TNIP1: variants seen among roughly 807,000 people sequenced by gnomAD.
TNIP1 encodes the protein TNFAIP3-interacting protein 1.
A neutral mutation model predicts 86.6 loss-of-function variants in TNIP1; 22 were observed. That is an observed-to-expected ratio of 0.25 (90% CI 0.18 to 0.36). The LOEUF is 0.36. Among genes scored for constraint, TNIP1 ranks in the 10% least tolerant of loss-of-function variants. TNIP1 has a pLI of 1.00. For missense variants in TNIP1, 709 were observed against 820.6 expected (o/e 0.86, Z 1.66); for synonymous variants, 294 against 313.0 (o/e 0.94, Z 0.64).
chr5:151,074,658 C>T (rs1362347535), intron 1 of TNIP1, among the ~76,000 whole-genome samples: 1 of 152,174 alleles, frequency 6.6e-6, no homozygotes, highest in Non-Finnish European at 1.5e-5. Context: ...CCAAAGATGC[C>T]TTGTGTTAAC....
chr5:151,061,769 C>T (rs1248394157), intron 4 of TNIP1, among the ~76,000 whole-genome samples: 2 of 152,214 alleles, frequency 1.3e-5, no homozygotes, highest in African/African-American at 2.4e-5. Context: ...TGAGCCACTG[C>T]GCCCAGCCTG....
intron 1 of TNIP1, among the ~76,000 whole-genome samples, chr5:151,072,241 C>T (rs1762899334): frequency 6.6e-6 from 1 of 152,222 alleles, no homozygotes; most frequent in Non-Finnish European, 1.5e-5. Flanking sequence ...ACCAGACCTA[C>T]TTTCCAGTTC....
rs745511990 is a variant in TNIP1 at position 151,033,621 on chromosome 5, CG to C, written c.1765del (p.Arg589AlafsTer26). ...ACACAGACTCACCAGATGGAAGAGG[CG>C]CGAGTTGGGGAGTGGGGGCGGGTGC... The part of the protein sequence containing the change: ...MEHPPPLPNS[R>X]LFHLPEYTWR... On this transcript the variant is annotated frameshift_variant, in exon 16 of 18. Transcript: ENST00000521591. LOFTEE classifies it high-confidence loss of function. The C allele has an allele frequency of 4.7e-6, 6 of 1,279,948 alleles. No homozygotes were observed. Among genetic ancestry groups the C allele is most frequent in the Non-Finnish European group, 6.1e-6 (6 of 988,882 alleles). The allele number at this position is 1,279,948 out of a possible 1,614,324, so 79.3% of individuals were successfully genotyped here.
chr5:151,071,175 CAT>C lies in TNIP1; in HGVS notation c.-36-6046_-36-6045del, dbSNP rs760291673. ...TCTCCTGATGGCTGTCAGGTTCACA[CAT>C]GAGTGAGGACACAGCACATACTTGA... On this transcript the variant is annotated intron_variant, in intron 1 of 17. Transcript: ENST00000521591. Among the ~76,000 whole-genome samples, 7 of 152,286 alleles carry C rather than the reference CAT, an allele frequency of 4.6e-5. No individual in the cohort carries two copies. In the South Asian group the frequency reaches 1.0e-3, roughly 23 times the overall value.
At chr5:151,058,109 C>T (rs1289475055) in intron 5 of TNIP1, among the ~76,000 whole-genome samples, 6 of 152,170 alleles carry the variant, frequency 3.9e-5, no homozygotes, top group East Asian at 3.9e-4. Context: ...TTAGTTGAGA[C>T]GGGGTTTCAC....
chr5:151,038,482 T>C (rs575313990), intron 12 of TNIP1, among the ~76,000 whole-genome samples: 159 of 152,292 alleles, frequency 1.0e-3, no homozygotes, highest in African/African-American at 3.7e-3. Context: ...AAGCTGGGAC[T>C]AGACCACTCC....
At chr5:151,076,286 C>G (rs1386407860) in intron 1 of TNIP1, among the ~76,000 whole-genome samples, 2 of 152,214 alleles carry the variant, frequency 1.3e-5, no homozygotes, top group Non-Finnish European at 2.9e-5. Flanking sequence ...CTGGAGGATG[C>G]CTGGATACCC....
Position 151,070,441 on chromosome 5 carries a change from G to A in TNIP1, c.-36-5310C>T, listed in dbSNP as rs1020752989. ...CTTTAATGGGATTTTAGGCTCTTCC[G>A]TCAGCTCAGTAAGCTAGGTTCTGGC... On this transcript the variant is annotated intron_variant, in intron 1 of 17. Coordinates refer to ENST00000521591, the MANE Select transcript of TNIP1 (RefSeq NM_006058.5). Among the ~76,000 whole-genome samples, 4 of 152,256 alleles carry A rather than the reference G, an allele frequency of 2.6e-5. No individual in the cohort carries two copies. The South Asian group carries it at 6.2e-4, about 24-fold the overall frequency.
At chr5:151,054,051 C>A (rs551392876) in intron 6 of TNIP1, among the ~76,000 whole-genome samples, 24 of 152,322 alleles carry the variant, frequency 1.6e-4, no homozygotes, top group African/African-American at 5.5e-4. Context: ...TTCTGGCCAA[C>A]AAAAGAGGTG....
Position 151,065,054 on chromosome 5 carries a change from G to GCC in TNIP1, c.40_41dup (p.Ser15AlafsTer15). On this transcript the variant is annotated frameshift_variant, in exon 2 of 18. Coordinates refer to ENST00000521591, the MANE Select transcript of TNIP1 (RefSeq NM_006058.5). LOFTEE classifies it high-confidence loss of function. ...CGGATGCCTCTCCTGAGGGCACGCT[G>GCC]CCCCCAGGGTCGTAGATCCGGTACG... 1 of 1,614,136 alleles carries GCC rather than the reference G, an allele frequency of 6.2e-7. No individual in the cohort carries two copies. Among genetic ancestry groups the GCC allele is most frequent in the South Asian group, 1.1e-5 (1 of 91,086 alleles).
rs746426248 is a variant in TNIP1 at position 151,039,159 on chromosome 5, G to C, written c.1201C>G (p.Gln401Glu). Residue 401 changes from glutamine to glutamate, a missense_variant, in exon 12 of 18, where the codon CAG (glutamine) becomes GAG (glutamate). Gln to Glu is a conservative substitution (Grantham distance 29, BLOSUM62 2). Coordinates refer to ENST00000521591, the MANE Select transcript of TNIP1 (RefSeq NM_006058.5). ...CGCTGTCGGGTGAGTGGGCTCAGCT[G>C]ATCCTGCAGGTACTTGACCTTTTGG... Reference protein sequence around the residue: ...LRQKVKYLQDQLSPLTRQREY... With the variant: ...LRQKVKYLQDELSPLTRQREY... The C allele has an allele frequency of 6.2e-7, 1 of 1,614,042 alleles. No individual in the cohort carries two copies. Among genetic ancestry groups the C allele is most frequent in the South Asian group, 1.1e-5 (1 of 91,068 alleles).
At chr5:151,046,311 G>A in intron 8 of TNIP1, 1 of 223,808 alleles carries the variant, frequency 4.5e-6, no homozygotes, top group Admixed American at 5.2e-5. Flanking sequence ...TAAGACATTT[G>A]AGATGTAGAT....
At chr5:151,060,834 C>G (rs1761467008) in intron 4 of TNIP1, among the ~76,000 whole-genome samples, 1 of 152,254 alleles carries the variant, frequency 6.6e-6, no homozygotes, top group Admixed American at 6.5e-5. Flanking sequence ...GAACCCAAGA[C>G]TGCAGATCCA....
At chr5:151,052,717 A>C (rs1760113296) in intron 6 of TNIP1, among the ~76,000 whole-genome samples, 1 of 152,160 alleles carries the variant, frequency 6.6e-6, no homozygotes, top group Non-Finnish European at 1.5e-5. Flanking sequence ...GCTTCTCAGC[A>C]CCTGTGGCAG....
chr5:151,062,110 C>G lies in TNIP1; in HGVS notation c.357+17G>C. 6.2e-7 allele frequency: 1 copy of G among 1,613,280 alleles called. No homozygotes were observed. Among genetic ancestry groups the G allele is most frequent in the South Asian group, 1.1e-5 (1 of 91,060 alleles). ...CCATCCAGGCAACCTCCACCCATGA[C>G]TCCAAATAAAACTTACACTGGATGG... On this transcript the variant is annotated intron_variant, in intron 4 of 17. Coordinates refer to ENST00000521591, the MANE Select transcript of TNIP1 (RefSeq NM_006058.5).
At chr5:151,039,066 C>A in intron 12 of TNIP1, 31 bp downstream of exon 12, 2 of 1,602,190 alleles carry the variant, frequency 1.2e-6, no homozygotes, top group Non-Finnish European at 1.7e-6. Flanking sequence ...TCAAGGGAGC[C>A]CAGCCAAGGG....
At chr5:151,035,354 A>G (rs1052900541) in intron 14 of TNIP1, among the ~76,000 whole-genome samples, 3 of 152,264 alleles carry the variant, frequency 2.0e-5, no homozygotes, top group African/African-American at 2.4e-5. Flanking sequence ...AGTAAAGCCC[A>G]GAACTGACTG....
chr5:151,038,965 G>A lies in TNIP1; in HGVS notation c.1263+132C>T, dbSNP rs1758054146. ...TGGGAGGCAATGGCAGAGCAGGCGG[G>A]AAACAGGATGCCAGCTCACTGACTG... On this transcript the variant is annotated intron_variant, in intron 12 of 17. Coordinates refer to ENST00000521591, the MANE Select transcript of TNIP1 (RefSeq NM_006058.5). 6 of 1,279,010 alleles carry A rather than the reference G, an allele frequency of 4.7e-6. No homozygotes were observed. The East Asian group carries it at 1.3e-4, about 28-fold the overall frequency. The allele number at this position is 1,279,010 out of a possible 1,614,324, so 79.2% of individuals were successfully genotyped here.
chr5:151,042,116 T>C (rs1758495860), intron 11 of TNIP1, among the ~76,000 whole-genome samples: 1 of 151,954 alleles, frequency 6.6e-6, no homozygotes, highest in African/African-American at 2.4e-5. Context: ...AAGTTTTGTA[T>C]TTTTAGTAGA....
Sources: allele counts gnomAD v4.1 joint callset (sites outside exome capture counted in the v4.1 genomes callset), GRCh38; gene constraint gnomAD v4.1.1; transcripts MANE v1.5; gene names NCBI Gene and HGNC (gene_info 2026-07-23, HGNC 2026-07-21).